ROCK2: variants seen among roughly 807,000 people sequenced by gnomAD.
ROCK2 encodes the protein rho-associated protein kinase 2.
ROCK2 carries 61 observed loss-of-function variants against 195.1 expected under a neutral mutation model. That is an observed-to-expected ratio of 0.31 (90% CI 0.25 to 0.39). The LOEUF (loss-of-function observed/expected upper bound fraction) is 0.39, where lower values mean the gene tolerates loss of function less well. Ranked by LOEUF, ROCK2 falls within the 10% of genes least tolerant of loss-of-function variation. ROCK2 has a pLI of 1.00. For synonymous variants in ROCK2, 504 were observed against 545.5 expected (o/e 0.92, Z 1.06); for missense variants, 1,109 against 1,637.4 (o/e 0.68, Z 5.57).
intron 1 of ROCK2, among the ~76,000 whole-genome samples, chr2:11,318,094 G>A (rs1160213879): frequency 3.3e-5 from 5 of 152,226 alleles, no homozygotes; most frequent in South Asian, 2.1e-4. Flanking sequence ...TGTCTTTACA[G>A]CAGCATGATG....
intron 3 of ROCK2, among the ~76,000 whole-genome samples, chr2:11,283,019 C>A (rs928225690): frequency 1.3e-5 from 2 of 152,188 alleles, no homozygotes; most frequent in Non-Finnish European, 2.9e-5. Flanking sequence ...ATAATCCCAG[C>A]ACTTTAGGAG....
At chr2:11,207,705 C>T (rs1664102057) in intron 20 of ROCK2, 21 bp downstream of exon 20, 1 of 1,575,022 alleles carries the variant, frequency 6.3e-7, no homozygotes, top group Non-Finnish European at 8.7e-7. Context: ...CATATTAAAA[C>T]ATCTCAATCA....
At chr2:11,317,563 CT>C (rs1450053222) in intron 1 of ROCK2, among the ~76,000 whole-genome samples, 2 of 77,212 alleles carry the variant, frequency 2.6e-5, no homozygotes, top group Non-Finnish European at 5.0e-5. Flanking sequence ...TAAAGCCGCC[CT>C]GATCTACACA....
intron 1 of ROCK2, among the ~76,000 whole-genome samples, chr2:11,314,338 A>T (rs1328717674): frequency 6.6e-6 from 1 of 151,920 alleles, no homozygotes; most frequent in East Asian, 1.9e-4. Flanking sequence ...TTCTTTAAAG[A>T]AACTGACTGC....
At chr2:11,274,803 G>A (rs34213264) in intron 3 of ROCK2, among the ~76,000 whole-genome samples, 60,782 of 152,044 alleles carry the variant, frequency 0.4, 13,634 homozygotes, top group Admixed American at 0.52. Context: ...AAGACATCAC[G>A]GTAGTCCCCT....
intron 20 of ROCK2, among the ~76,000 whole-genome samples, chr2:11,207,473 A>G (rs758804254): frequency 8.5e-5 from 13 of 152,218 alleles, no homozygotes; most frequent in Non-Finnish European, 1.9e-4. Flanking sequence ...AAAATCCCAG[A>G]TATTTTCTTC....
chr2:11,335,749 C>G (rs1286069653), intron 1 of ROCK2, among the ~76,000 whole-genome samples: 1 of 152,112 alleles, frequency 6.6e-6, no homozygotes, highest in Admixed American at 6.5e-5. Context: ...CTGATATAAT[C>G]TTTGAACTCC....
chr2:11,199,884 G>A (rs1663790710), intron 23 of ROCK2, among the ~76,000 whole-genome samples: 1 of 152,108 alleles, frequency 6.6e-6, no homozygotes, highest in African/African-American at 2.4e-5. Context: ...TTATGTGAAT[G>A]CCTAAAATTT....
chr2:11,201,991 A>C lies in ROCK2; in HGVS notation c.2619+61T>G. ...CTTTTTATATGAGTTGTATGGTATA[A>C]ATAAAATATCCCAACCAAAACTCTG... On this transcript the variant is annotated intron_variant, in intron 21 of 32. Coordinates refer to ENST00000315872, the MANE Select transcript of ROCK2 (RefSeq NM_004850.5). This position sits in a 1 kb window ranked among gnomAD's most constrained non-coding sequence, Gnocchi z 4.6. 1 of 1,269,880 alleles carries C rather than the reference A, an allele frequency of 7.9e-7. No individual in the cohort carries two copies. The highest frequency in any genetic ancestry group is 1.2e-6 in the Non-Finnish European group (1 of 867,820). 78.7% of individuals were successfully genotyped at this position (1,269,880 alleles called of 1,614,324 possible). A position where few individuals can be genotyped will look rare whatever the true frequency, so the allele number is the denominator to read the frequency against.
intron 11 of ROCK2, chr2:11,217,914 TG>T (rs1301557608): frequency 6.5e-6 from 1 of 152,894 alleles, no homozygotes; most frequent in African/African-American, 2.4e-5. Context: ...ATGGTAGCAT[TG>T]TATCTACTTG....
intron 3 of ROCK2, among the ~76,000 whole-genome samples, chr2:11,279,954 T>C (rs1488024462): frequency 1.3e-5 from 2 of 152,118 alleles, no homozygotes; most frequent in African/African-American, 4.8e-5. Flanking sequence ...AGGAATCTCA[T>C]GAGAAATTAA....
At chr2:11,262,558 G>C (rs1666265678) in intron 3 of ROCK2, among the ~76,000 whole-genome samples, 1 of 152,172 alleles carries the variant, frequency 6.6e-6, no homozygotes, top group Admixed American at 6.5e-5. Context: ...ATAGTAAGTA[G>C]TAAGTCTCAT....
Position 11,281,208 on chromosome 2 carries a change from TAA to T in ROCK2, c.324+5329_324+5330del, listed in dbSNP as rs1173116040. On this transcript the variant is annotated intron_variant, in intron 3 of 32. Transcript: ENST00000315872. ...ACAAATCCAACACCCACTCATTATT[TAA>T]AAAAAAAAAAAAAAAAAAAAACCTC... 5.3e-3 allele frequency among the ~76,000 whole-genome samples: 536 copies of T among 100,580 alleles called. 5 individuals are homozygous for T. The highest frequency in any genetic ancestry group is 0.019 in the African/African-American group (483 of 25,314). The allele number at this position is 100,580 out of a possible 152,430, so 66.0% of individuals were successfully genotyped here. A position where few individuals can be genotyped will look rare whatever the true frequency, so the allele number is the denominator to read the frequency against.
chr2:11,183,428 A>T lies in ROCK2; in HGVS notation c.*9T>A. The T allele has an allele frequency of 6.3e-7, 1 of 1,597,440 alleles. No individual in the cohort carries two copies. Among genetic ancestry groups the T allele is most frequent in the Non-Finnish European group, 8.6e-7 (1 of 1,168,992 alleles). On this transcript the variant is annotated 3_prime_UTR_variant, in exon 33 of 33. Transcript: ENST00000315872. ...CACCTTGAATAATGACTGCTTTCAT[A>T]GAAGGCAGTTAGCTGAAAAGAAAGG...
chr2:11,215,263 A>C, intron 15 of ROCK2, 58 bp downstream of exon 15: 1 of 1,433,598 alleles, frequency 7.0e-7, no homozygotes, highest in African/African-American at 1.4e-5. Flanking sequence ...AATTAAAACT[A>C]ATGTTATCGC....
chr2:11,261,111 A>G (rs1666211705), intron 3 of ROCK2, among the ~76,000 whole-genome samples: 2 of 152,342 alleles, frequency 1.3e-5, no homozygotes, highest in African/African-American at 2.4e-5. Context: ...TACATGTTCT[A>G]GTTCATAGGG....
At chr2:11,260,439 C>T (rs1666185745) in intron 3 of ROCK2, among the ~76,000 whole-genome samples, 1 of 124,900 alleles carries the variant, frequency 8.0e-6, no homozygotes. Context: ...CAGAGCGAGA[C>T]TCTGTCTCCA....
intron 1 of ROCK2, among the ~76,000 whole-genome samples, chr2:11,305,454 C>T (rs1004083268): frequency 9.9e-6 from 1 of 101,260 alleles, no homozygotes. Flanking sequence ...TACACACACA[C>T]ACACACACAC....
intron 1 of ROCK2, among the ~76,000 whole-genome samples, chr2:11,295,988 GAGGAGAGAGAGAGAGAGGAGA>G (rs1332434232): frequency 9.1e-3 from 396 of 43,670 alleles, no homozygotes; most frequent in Middle Eastern, 0.017. Flanking sequence ...GAGAGAGAGA[GAGGAGAGAGAGAGAGAGGAGA>G]GAGAGAGAGA....
Sources: gnomAD v4.1 joint callset for allele counts (sites outside exome capture counted in the v4.1 genomes callset) on GRCh38, gnomAD v4.1.1 for gene constraint, Gnocchi (gnomAD v3.1) non-coding constraint, MANE v1.5 for transcripts, NCBI Gene and HGNC (gene_info 2026-07-23, HGNC 2026-07-21) for gene names.